Variants in CPLX2 observed in about 807,000 individuals in gnomAD.
CPLX2 encodes complexin-2.
In CPLX2, 5 loss-of-function variants were observed where a neutral mutation model predicts 16.3. The observed-to-expected ratio is 0.31, with a 90% CI of 0.16 to 0.64. CPLX2 has a LOEUF of 0.64. Among genes scored for constraint, CPLX2 ranks in the 30% least tolerant of loss-of-function variants. The pLI is 0.79. For synonymous variants in CPLX2, 89 were observed against 73.2 expected (o/e 1.22, Z -1.10); for missense variants, 144 against 181.4 (o/e 0.79, Z 1.18).
intron 2 of CPLX2, among the ~76,000 whole-genome samples, chr5:175,833,980 T>G (rs546634532): frequency 6.6e-6 from 1 of 152,320 alleles, no homozygotes; most frequent in Non-Finnish European, 1.5e-5. Flanking sequence ...GGGCTCAGCG[T>G]TCCTCCCTGA....
chr5:175,804,691 T>A (rs1039726982), intron 1 of CPLX2, among the ~76,000 whole-genome samples: 1 of 152,204 alleles, frequency 6.6e-6, no homozygotes, highest in African/African-American at 2.4e-5. Flanking sequence ...TCAGAACCTG[T>A]GTTTTAACAA....
chr5:175,869,317 T>C (rs1020963660), upstream of CPLX2, among the ~76,000 whole-genome samples: 3 of 152,194 alleles, frequency 2.0e-5, no homozygotes, highest in African/African-American at 7.2e-5. Flanking sequence ...TCAAAGATGC[T>C]TGGGTTCAAA....
intron 2 of CPLX2, among the ~76,000 whole-genome samples, chr5:175,853,699 T>A (rs1759199863): frequency 6.6e-6 from 1 of 152,094 alleles, no homozygotes; most frequent in Non-Finnish European, 1.5e-5. Context: ...CTCATGGACA[T>A]CCAAATTCAA....
intron 1 of CPLX2, among the ~76,000 whole-genome samples, chr5:175,807,692 TCA>T (rs1561768965): frequency 1.9e-4 from 8 of 41,994 alleles, no homozygotes; most frequent in South Asian, 6.4e-4. Flanking sequence ...ACCCACTTAC[TCA>T]TCATTCATTC....
chr5:175,870,446 A>AG (rs1759565918), upstream of CPLX2, among the ~76,000 whole-genome samples: 1 of 152,192 alleles, frequency 6.6e-6, no homozygotes, highest in Non-Finnish European at 1.5e-5. Flanking sequence ...TAGAAGGAGA[A>AG]GCCATCTCCA....
At chr5:175,874,044 C>T (rs929924710) in intron 1 of CPLX2, among the ~76,000 whole-genome samples, 1 of 152,228 alleles carries the variant, frequency 6.6e-6, no homozygotes, top group African/African-American at 2.4e-5. Flanking sequence ...GGGTGCTAGA[C>T]TGTGCAGGCC....
At chr5:175,870,016 G>A (rs904034634), upstream of CPLX2, among the ~76,000 whole-genome samples, 1 of 152,224 alleles carries the variant, frequency 6.6e-6, no homozygotes, top group Admixed American at 6.5e-5. Flanking sequence ...GAAATGACAT[G>A]ATGTCAGATC....
chr5:175,872,578 GGGAAAC>G lies in CPLX2; in HGVS notation c.-89+876_-89+881del, dbSNP rs1349670546. On this transcript the variant is annotated intron_variant, in intron 1 of 3. Transcript: ENST00000393745. The surrounding 1 kb of genome is among the most constrained non-coding windows in gnomAD (Gnocchi z 5.0). ...GGGGTTCCTGTCCTCTCTTCTGGCC[GGGAAAC>G]GGGAACCCCCGGCCACTTCCGCTTT... Among the ~76,000 whole-genome samples, 1 of 152,052 alleles carries G rather than the reference GGGAAAC, an allele frequency of 6.6e-6. No homozygotes were observed. The highest frequency in any genetic ancestry group is 2.4e-5 in the African/African-American group (1 of 41,402).
In CPLX2 at chr5:175,807,508, C is replaced by T. The variant is rs112744607; in HGVS notation, c.-168-1481C>T. 2.5e-3 allele frequency among the ~76,000 whole-genome samples: 385 copies of T among 152,344 alleles called. 3 individuals are homozygous for T. Among genetic ancestry groups the T allele is most frequent in the African/African-American group, 8.3e-3 (346 of 41,592 alleles). ...CAGACAGCAGGCTGCAGCCCACAGGCGCCTACCCTTTCTCCCTCCCCAGCA... is the reference window on the plus strand; with the variant it reads ...CAGACAGCAGGCTGCAGCCCACAGGTGCCTACCCTTTCTCCCTCCCCAGCA... On this transcript the variant is annotated intron_variant, in intron 1 of 4. Transcript: ENST00000359546.
At chr5:175,813,176 C>T (rs1758344088) in intron 2 of CPLX2, among the ~76,000 whole-genome samples, 1 of 152,270 alleles carries the variant, frequency 6.6e-6, no homozygotes, top group East Asian at 1.9e-4. Flanking sequence ...TTTAATAGCT[C>T]GCAAGTGATG....
At chr5:175,846,124 C>T (rs1247176824) in intron 2 of CPLX2, among the ~76,000 whole-genome samples, 1 of 152,140 alleles carries the variant, frequency 6.6e-6, no homozygotes, top group African/African-American at 2.4e-5. Flanking sequence ...CACACAAACA[C>T]ACACACCCGC....
At chr5:175,821,520 G>A (rs1192181994) in intron 2 of CPLX2, among the ~76,000 whole-genome samples, 2 of 151,998 alleles carry the variant, frequency 1.3e-5, no homozygotes, top group Admixed American at 6.6e-5. Flanking sequence ...TGATTCTCCC[G>A]CCTTAGCCTC....
chr5:175,827,446 A>G (rs1758638559), intron 2 of CPLX2, among the ~76,000 whole-genome samples: 1 of 152,196 alleles, frequency 6.6e-6, no homozygotes, highest in Non-Finnish European at 1.5e-5. Context: ...GGCCTCTTCA[A>G]CATACCTTTA....
chr5:175,801,557 C>A (rs2113622169), intron 1 of CPLX2, among the ~76,000 whole-genome samples: 1 of 152,268 alleles, frequency 6.6e-6, no homozygotes, highest in African/African-American at 2.4e-5. Flanking sequence ...CCCAGCCCTG[C>A]CATTGAGAAG....
At chr5:175,863,589 T>G (rs1198090082) in intron 2 of CPLX2, among the ~76,000 whole-genome samples, 1 of 152,260 alleles carries the variant, frequency 6.6e-6, no homozygotes, top group East Asian at 1.9e-4. Context: ...TCCCTTCCTC[T>G]TCTGCCCTTT....
chr5:175,878,709 G>GC lies in CPLX2; in HGVS notation c.-31_-30insC. On this transcript the variant is annotated 5_prime_UTR_variant, in exon 2 of 4. An upstream open reading frame in the 5' UTR gains an earlier in-frame stop. Transcript: ENST00000393745. ...GAGCGCTGCATGCAAATTCTGCCGT[G>GC]GGCTAAGGCACGCTAACCAGAGCCG... 6.2e-7 allele frequency: 1 copy of GC among 1,611,596 alleles called. No homozygotes were observed. The highest frequency in any genetic ancestry group is 8.5e-7 in the Non-Finnish European group (1 of 1,179,220).
chr5:175,811,794 A>G (rs939359818), intron 2 of CPLX2, among the ~76,000 whole-genome samples: 5 of 152,250 alleles, frequency 3.3e-5, no homozygotes, highest in Non-Finnish European at 5.9e-5. Flanking sequence ...AGAGCTGGAT[A>G]GCAGTCTTGG....
intron 2 of CPLX2, among the ~76,000 whole-genome samples, chr5:175,865,192 C>G (rs1759450904): frequency 6.6e-6 from 1 of 152,196 alleles, no homozygotes; most frequent in Admixed American, 6.5e-5. Flanking sequence ...GCCCCATAAG[C>G]TTATTAACCT....
At chr5:175,848,959 G>C (rs1759101095) in intron 2 of CPLX2, among the ~76,000 whole-genome samples, 1 of 152,204 alleles carries the variant, frequency 6.6e-6, no homozygotes, top group Admixed American at 6.5e-5. Context: ...GGGCATAGAG[G>C]AGACGGCTCA....
Sources: gnomAD v4.1 joint callset for allele counts (sites outside exome capture counted in the v4.1 genomes callset) on GRCh38, gnomAD v4.1.1 for gene constraint, Gnocchi (gnomAD v3.1) non-coding constraint, MANE v1.5 for transcripts, NCBI Gene and HGNC (gene_info 2026-07-23, HGNC 2026-07-21) for gene names.